The following FGF12 variants were observed in gnomAD, a reference collection of about 807,000 sequenced individuals.
The protein encoded by FGF12 is fibroblast growth factor 12B.
FGF12 carries 14 observed loss-of-function variants against 23.6 expected under a neutral mutation model. That is an observed-to-expected ratio of 0.59 (90% CI 0.39 to 0.93). The LOEUF (loss-of-function observed/expected upper bound fraction) is 0.93, where lower values mean the gene tolerates loss of function less well. FGF12 is among the 40% of genes least tolerant of loss of function. The probability of loss-of-function intolerance (pLI) is 0.00; values close to 1 mark genes in which losing one functional copy is unlikely to be tolerated. For synonymous variants in FGF12, 62 were observed against 77.3 expected (o/e 0.80, Z 1.04); for missense variants, 175 against 217.8 (o/e 0.80, Z 1.24).
intron 2 of FGF12, among the ~76,000 whole-genome samples, chr3:192,455,936 A>C (rs1378226345): frequency 6.6e-6 from 1 of 152,202 alleles, no homozygotes; most frequent in Non-Finnish European, 1.5e-5. Context: ...TGGGATGCTC[A>C]AGACAGAAGC....
intron 4 of FGF12, among the ~76,000 whole-genome samples, chr3:192,276,274 A>C (rs1411730930): frequency 6.6e-6 from 1 of 152,174 alleles, no homozygotes; most frequent in African/African-American, 2.4e-5. Context: ...GAGGAAATGC[A>C]TGGGTAAAAT....
chr3:192,415,280 CT>C (rs2108780648), intron 2 of FGF12, among the ~76,000 whole-genome samples: 1 of 152,146 alleles, frequency 6.6e-6, no homozygotes, highest in South Asian at 2.1e-4. Flanking sequence ...GCACCTTTTC[CT>C]TTTCAAAGAG....
intron 4 of FGF12, among the ~76,000 whole-genome samples, chr3:192,198,574 A>G (rs1480761714): frequency 6.6e-6 from 1 of 152,202 alleles, no homozygotes; most frequent in Non-Finnish European, 1.5e-5. Flanking sequence ...TTCTCTAGGT[A>G]TAAGTGCCTA....
chr3:192,590,201 T>C (rs1017373351), intron 2 of FGF12, among the ~76,000 whole-genome samples: 1 of 151,854 alleles, frequency 6.6e-6, no homozygotes, highest in Non-Finnish European at 1.5e-5. Context: ...CTAGACACCA[T>C]AGTGATTCAT....
At chr3:192,184,158 G>A (rs1716328980) in intron 4 of FGF12, among the ~76,000 whole-genome samples, 2 of 152,060 alleles carry the variant, frequency 1.3e-5, no homozygotes, top group African/African-American at 2.4e-5. Context: ...TGGGAGGCAC[G>A]GGTTACAGTA....
At chr3:192,449,841 C>T (rs1370880436) in intron 2 of FGF12, among the ~76,000 whole-genome samples, 1 of 152,150 alleles carries the variant, frequency 6.6e-6, no homozygotes, top group Non-Finnish European at 1.5e-5. Flanking sequence ...TGGATCTCAG[C>T]CTGAGGTGGG....
rs1257902752 is a variant in FGF12, at chr3:192,472,842, G to A, written c.14-112304C>T. ...ACAAAGCCTGTGTCTCCATGATTTC[G>A]AGTTTGTACTTGCTATTCTCTTTAC... On this transcript the variant is annotated intron_variant, in intron 2 of 5. Coordinates refer to ENST00000445105, the MANE Select transcript of FGF12 (RefSeq NM_004113.6). Among the ~76,000 whole-genome samples, 5 of 152,186 alleles carry A rather than the reference G, an allele frequency of 3.3e-5. No individual in the cohort carries two copies. In the South Asian group the frequency reaches 8.3e-4, roughly 25 times the overall value.
chr3:192,699,980 C>T (rs1251013226), intron 2 of FGF12, among the ~76,000 whole-genome samples: 1 of 152,156 alleles, frequency 6.6e-6, no homozygotes, highest in African/African-American at 2.4e-5. Context: ...CTTGCTGAAT[C>T]CCTGAGATGC....
At chr3:192,171,111 A>G (rs200528959) in intron 4 of FGF12, among the ~76,000 whole-genome samples, 2 of 152,252 alleles carry the variant, frequency 1.3e-5, no homozygotes, top group Non-Finnish European at 2.9e-5. Flanking sequence ...AATGTATTAC[A>G]CAGCCACAGC....
At chr3:192,558,571 GA>G (rs550792310) in intron 2 of FGF12, among the ~76,000 whole-genome samples, 2 of 137,460 alleles carry the variant, frequency 1.5e-5, no homozygotes, top group African/African-American at 5.5e-5. Context: ...TGTGGAAATG[GA>G]AAAAAAATCC....
Position 192,725,642 on chromosome 3 carries a change from A to T in FGF12, c.13+1539T>A, listed in dbSNP as rs573417624. Among the ~76,000 whole-genome samples the T allele has an allele frequency of 6.6e-4, 100 of 152,322 alleles. 1 individual carries two copies. The highest frequency in any genetic ancestry group is 1.8e-3 in the African/African-American group (74 of 41,578). ...TGATTGAACAGGAATTAGTATACAC[A>T]TTGGAGGCAAAACTGTTACCAAGAA... On this transcript the variant is annotated intron_variant, in intron 2 of 5. Transcript: ENST00000445105.
intron 4 of FGF12, among the ~76,000 whole-genome samples, chr3:192,226,817 G>A (rs1718759817): frequency 6.6e-6 from 1 of 151,718 alleles, no homozygotes; most frequent in South Asian, 2.1e-4. Context: ...GCTATGTGAG[G>A]AATCATATAT....
chr3:192,518,763 G>A (rs1461361388), intron 2 of FGF12, among the ~76,000 whole-genome samples: 1 of 152,074 alleles, frequency 6.6e-6, no homozygotes, highest in Non-Finnish European at 1.5e-5. Flanking sequence ...CATGCCTGTA[G>A]CTCTCATCTT....
intron 2 of FGF12, among the ~76,000 whole-genome samples, chr3:192,439,911 G>C (rs1722151157): frequency 6.6e-6 from 1 of 151,540 alleles, no homozygotes; most frequent in African/African-American, 2.4e-5. Flanking sequence ...GGGAGGCAGA[G>C]GCTGCAGTGA....
chr3:192,499,047 A>G (rs1724042342), intron 2 of FGF12, among the ~76,000 whole-genome samples: 1 of 152,206 alleles, frequency 6.6e-6, no homozygotes, highest in Non-Finnish European at 1.5e-5. Flanking sequence ...AAGGTGATAT[A>G]AAATGAAGCT....
At chr3:192,386,108 A>C (rs1026581052) in intron 2 of FGF12, among the ~76,000 whole-genome samples, 2 of 152,246 alleles carry the variant, frequency 1.3e-5, no homozygotes, top group East Asian at 1.9e-4. Context: ...ACGAGGAATA[A>C]ATGACACACA....
At chr3:192,682,924 C>T (rs528386038) in intron 2 of FGF12, among the ~76,000 whole-genome samples, 11 of 152,290 alleles carry the variant, frequency 7.2e-5, no homozygotes, top group African/African-American at 2.6e-4. Flanking sequence ...GGTGAGCTTC[C>T]TTGTTGGGGA....
At position 192,464,012 on chromosome 3, in the gene FGF12, CTT is replaced by C. The variant is rs540920025; in HGVS notation, c.14-103476_14-103475del. On this transcript the variant is annotated intron_variant, in intron 2 of 5. Transcript: ENST00000445105. ...CTACTCTTAGATCAGTGGTTCTACT[CTT>C]GACTACAAATTAGAGGCACGTGAGA... 1.3e-4 allele frequency among the ~76,000 whole-genome samples: 20 copies of C among 152,254 alleles called. No individual in the cohort carries two copies. In the South Asian group the frequency reaches 3.9e-3, roughly 30 times the overall value.
intron 4 of FGF12, among the ~76,000 whole-genome samples, chr3:192,333,376 A>C (rs1717223588): frequency 6.6e-6 from 1 of 152,142 alleles, no homozygotes; most frequent in Non-Finnish European, 1.5e-5. Flanking sequence ...TTAAATCTTT[A>C]AAGTAAGACT....
Sources: allele counts gnomAD v4.1 joint callset (sites outside exome capture counted in the v4.1 genomes callset), GRCh38; gene constraint gnomAD v4.1.1; transcripts MANE v1.5; gene names NCBI Gene and HGNC (gene_info 2026-07-23, HGNC 2026-07-21).